PRR16: variants seen among roughly 807,000 people sequenced by gnomAD.
PRR16 encodes the protein protein Largen.
A neutral mutation model predicts 18.2 loss-of-function variants in PRR16; 6 were observed. That is an observed-to-expected ratio of 0.33 (90% CI 0.18 to 0.65). The LOEUF (loss-of-function observed/expected upper bound fraction) is 0.65. Among genes scored for constraint, PRR16 ranks in the 30% least tolerant of loss-of-function variants. PRR16 has a pLI of 0.74. For missense variants in PRR16, 412 were observed against 376.6 expected, an observed-to-expected ratio of 1.09 and a Z score of -0.78; for synonymous variants, 151 against 147.8, an observed-to-expected ratio of 1.02 and a Z score of -0.16.
intron 1 of PRR16, among the ~76,000 whole-genome samples, chr5:120,502,004 A>G (rs143000431): frequency 6.6e-6 from 1 of 150,786 alleles, no homozygotes; most frequent in African/African-American, 2.4e-5. Context: ...CTAGTATAAA[A>G]AATTACTGTG....
At chr5:120,718,510 T>C in the PRR16 span, among the ~76,000 whole-genome samples, 2 of 152,094 alleles carry the variant, frequency 1.3e-5, no homozygotes, top group South Asian at 2.1e-4. Context: ...GTCAATTCTT[T>C]CTTGTGTGTG....
intron 1 of PRR16, among the ~76,000 whole-genome samples, chr5:120,563,474 C>G (rs1488891664): frequency 6.6e-6 from 1 of 152,176 alleles, no homozygotes; most frequent in Non-Finnish European, 1.5e-5. Context: ...TCCTGCTCTT[C>G]CCTTCCCTTT....
At chr5:120,663,428 A>G (rs994577263) in intron 1 of PRR16, among the ~76,000 whole-genome samples, 4 of 150,218 alleles carry the variant, frequency 2.7e-5, no homozygotes, top group Admixed American at 6.8e-5. Flanking sequence ...AAAAGGTTAA[A>G]AAGGTTGAAC....
the PRR16 span, among the ~76,000 whole-genome samples, chr5:120,791,180 TATTTG>T: frequency 6.6e-6 from 1 of 152,132 alleles, no homozygotes; most frequent in Non-Finnish European, 1.5e-5. Flanking sequence ...TGTAGTTGCT[TATTTG>T]ATTTGGTTTT....
At chr5:120,694,706 A>C in the PRR16 span, among the ~76,000 whole-genome samples, 1 of 151,746 alleles carries the variant, frequency 6.6e-6, no homozygotes, top group Admixed American at 6.6e-5. Context: ...AAAGAATTCT[A>C]AGAAAACTGA....
chr5:120,618,577 A>G (rs1426832433), intron 1 of PRR16: 3 of 925,436 alleles, frequency 3.2e-6, no homozygotes, highest in Non-Finnish European at 3.9e-6. Flanking sequence ...TAAGTAAAAA[A>G]GAAGTTATAG....
At chr5:120,778,955 T>C in the PRR16 span, among the ~76,000 whole-genome samples, 3 of 152,280 alleles carry the variant, frequency 2.0e-5, no homozygotes, top group South Asian at 6.2e-4. Context: ...TGAAATGGTT[T>C]GACAAAAATG....
chr5:120,578,135 T>C (rs932839085), intron 1 of PRR16, among the ~76,000 whole-genome samples: 1 of 152,166 alleles, frequency 6.6e-6, no homozygotes, highest in African/African-American at 2.4e-5. Flanking sequence ...CAAGGAAACC[T>C]TTTAAAGCAG....
At chr5:120,475,139 G>T (rs1749399424) in intron 1 of PRR16, among the ~76,000 whole-genome samples, 1 of 152,102 alleles carries the variant, frequency 6.6e-6, no homozygotes, top group African/African-American at 2.4e-5. Context: ...ACCCTTTGAG[G>T]TACCTATAAT....
At chr5:120,764,034 G>T in the PRR16 span, among the ~76,000 whole-genome samples, 1 of 152,024 alleles carries the variant, frequency 6.6e-6, no homozygotes, top group Non-Finnish European at 1.5e-5. Context: ...ACGTTTATAA[G>T]TTTAGAGAAC....
chr5:120,654,557 A>T (rs1045510256), intron 1 of PRR16, among the ~76,000 whole-genome samples: 11 of 152,114 alleles, frequency 7.2e-5, no homozygotes, highest in African/African-American at 2.4e-4. Flanking sequence ...AGCTAAAAAA[A>T]ATCTCAAATT....
chr5:120,598,063 G>A (rs969532222), intron 1 of PRR16, among the ~76,000 whole-genome samples: 1 of 151,752 alleles, frequency 6.6e-6, no homozygotes. Flanking sequence ...TCATAATATT[G>A]TCCATGAAGA....
At chr5:120,792,845 T>C in the PRR16 span, among the ~76,000 whole-genome samples, 351 of 152,278 alleles carry the variant, frequency 2.3e-3, 1 homozygote, top group Admixed American at 4.9e-3. Context: ...TACAATATGC[T>C]AAATTCTATA....
chr5:120,555,792 C>G (rs866922623), intron 1 of PRR16, among the ~76,000 whole-genome samples: 1 of 145,798 alleles, frequency 6.9e-6, no homozygotes, highest in Non-Finnish European at 1.5e-5. Context: ...TTCTAAATAA[C>G]CTAGAAAGGT....
At chr5:120,583,373 T>G (rs1753338531) in intron 1 of PRR16, among the ~76,000 whole-genome samples, 1 of 151,312 alleles carries the variant, frequency 6.6e-6, no homozygotes, top group African/African-American at 2.4e-5. Flanking sequence ...TCACCATGCT[T>G]GGAGAATATA....
chr5:120,598,738 A>G (rs183834118), intron 1 of PRR16, among the ~76,000 whole-genome samples: 2 of 152,056 alleles, frequency 1.3e-5, no homozygotes, highest in East Asian at 1.9e-4. Flanking sequence ...AGCAGCATCA[A>G]TGTTGCTGCA....
chr5:120,519,315 G>A (rs920644415), intron 1 of PRR16, among the ~76,000 whole-genome samples: 1 of 151,946 alleles, frequency 6.6e-6, no homozygotes, highest in Non-Finnish European at 1.5e-5. Flanking sequence ...GTTAGCTTTG[G>A]ATGTGCTAAT....
At chr5:120,630,701 T>C (rs1220647604) in intron 1 of PRR16, among the ~76,000 whole-genome samples, 1 of 152,172 alleles carries the variant, frequency 6.6e-6, no homozygotes, top group East Asian at 1.9e-4. Flanking sequence ...CCTTCTTTGA[T>C]TGAGATATCT....
rs555787041 is a variant in PRR16, at chr5:120,468,892, T to A, written c.159+4247T>A. ...GCTACTATATGAGTTGAAAAACATA[T>A]GTAAATAATTTCTTGAGAGGCTTTC... On this transcript the variant is annotated intron_variant, in intron 1 of 1. Transcript: ENST00000407149. Among the ~76,000 whole-genome samples, 210 of 152,348 alleles carry A rather than the reference T, an allele frequency of 1.4e-3. 1 individual carries two copies. The highest frequency in any genetic ancestry group is 2.5e-3 in the Non-Finnish European group (173 of 68,028).
Sources: gnomAD v4.1 joint callset for allele counts (sites outside exome capture counted in the v4.1 genomes callset) on GRCh38, gnomAD v4.1.1 for gene constraint, MANE v1.5 for transcripts, NCBI Gene and HGNC (gene_info 2026-07-23, HGNC 2026-07-21) for gene names.